NEDD4L: variants seen among roughly 807,000 people sequenced by gnomAD.
NEDD4L encodes E3 ubiquitin-protein ligase NEDD4-like.
A neutral mutation model predicts 148.9 loss-of-function variants in NEDD4L; 54 were observed. The ratio of observed to expected loss-of-function variants is 0.36; its 90% CI spans 0.29 to 0.45. NEDD4L has a LOEUF of 0.45. NEDD4L is among the 20% of genes least tolerant of loss of function. NEDD4L has a pLI of 1.00. For missense variants in NEDD4L, 856 were observed against 1,233.8 expected (o/e 0.69, Z 4.59); for synonymous variants, 433 against 440.7 (o/e 0.98, Z 0.22).
intron 1 of NEDD4L, among the ~76,000 whole-genome samples, chr18:58,064,627 GAC>G (rs2082509294): frequency 6.6e-6 from 1 of 152,178 alleles, no homozygotes; most frequent in African/African-American, 2.4e-5. Flanking sequence ...GTTAGCTGGA[GAC>G]ACAGCAGAAC....
chr18:58,234,051 T>TTCCC (rs1329189662), intron 2 of NEDD4L, among the ~76,000 whole-genome samples: 3 of 72,124 alleles, frequency 4.2e-5, no homozygotes, highest in Non-Finnish European at 8.5e-5. Context: ...TTCCTTTTCT[T>TTCCC]TCTTTCTTTC....
intron 1 of NEDD4L, among the ~76,000 whole-genome samples, chr18:58,136,214 G>A (rs533969823): frequency 4.2e-4 from 64 of 152,140 alleles, no homozygotes; most frequent in African/African-American, 1.5e-3. Context: ...TAATCAGTTG[G>A]CAAAGAAAGT....
chr18:58,132,896 A>G (rs12959306), intron 1 of NEDD4L, among the ~76,000 whole-genome samples: 27,795 of 152,222 alleles, frequency 0.18, 3,327 homozygotes, highest in Non-Finnish European at 0.28. Context: ...GAGATTTGAG[A>G]TCAGACAAAT....
intron 1 of NEDD4L, among the ~76,000 whole-genome samples, chr18:58,064,539 G>A (rs1473443855): frequency 2.6e-5 from 4 of 152,014 alleles, no homozygotes; most frequent in Non-Finnish European, 2.9e-5. Flanking sequence ...ACATAACACC[G>A]TTTTCCTTTG....
At chr18:58,355,976 G>A (rs964782626) in intron 18 of NEDD4L, among the ~76,000 whole-genome samples, 3 of 152,004 alleles carry the variant, frequency 2.0e-5, no homozygotes, top group East Asian at 1.9e-4. Flanking sequence ...CCCCCGCCCC[G>A]GTCCCCAAGA....
At position 58,094,169 on chromosome 18, in the gene NEDD4L, C is replaced by CT. The variant is rs61501212; in HGVS notation, c.48+49473dup. Among the ~76,000 whole-genome samples the CT allele has an allele frequency of 4.6e-3, 680 of 146,492 alleles. 5 individuals carry two copies. The highest frequency in any genetic ancestry group is 0.015 in the African/African-American group (607 of 39,970). On this transcript the variant is annotated intron_variant, in intron 1 of 30. Transcript: ENST00000400345. ...TCTCCTCCTGGGACTCCTGCACCCC[C>CT]TTTTTTTTTTTTAATTTTTCTTTTC...
chr18:58,077,853 A>G (rs2083250927), intron 1 of NEDD4L, among the ~76,000 whole-genome samples: 1 of 152,070 alleles, frequency 6.6e-6, no homozygotes, highest in Non-Finnish European at 1.5e-5. Flanking sequence ...GTGCCTCGAG[A>G]GACATTGGAC....
chr18:58,387,438 G>C lies in NEDD4L; in HGVS notation c.2488-1G>C. 1 of 1,532,712 alleles carries C rather than the reference G, an allele frequency of 6.5e-7. No individual in the cohort carries two copies. Among genetic ancestry groups the C allele is most frequent in the Non-Finnish European group, 8.7e-7 (1 of 1,145,848 alleles). 94.9% of individuals were successfully genotyped at this position (1,532,712 alleles called of 1,614,324 possible). On this transcript the variant is annotated splice_acceptor_variant, in intron 26 of 30. Coordinates refer to ENST00000400345, the MANE Select transcript of NEDD4L (RefSeq NM_001144967.3). LOFTEE classifies it high-confidence loss of function. The stretch of plus-strand genomic sequence containing the variant: ...TAAGATGTTTTTTTTTTTTCTTTCA[G>C]GGATTCACAGAACTACTTCCTATTG...
intron 1 of NEDD4L, among the ~76,000 whole-genome samples, chr18:58,127,568 G>A (rs574237536): frequency 4.5e-4 from 68 of 151,830 alleles, no homozygotes; most frequent in African/African-American, 1.4e-3. Context: ...GGCCGGGTGC[G>A]GTGGCTCACA....
At chr18:58,185,765 C>T (rs575761059) in intron 2 of NEDD4L, among the ~76,000 whole-genome samples, 45 of 151,874 alleles carry the variant, frequency 3.0e-4, no homozygotes, top group African/African-American at 8.9e-4. Context: ...CCCAGCTACT[C>T]GGGAGGCTGA....
intron 5 of NEDD4L, among the ~76,000 whole-genome samples, chr18:58,300,727 G>C (rs759234295): frequency 1.3e-5 from 2 of 152,194 alleles, no homozygotes; most frequent in Non-Finnish European, 2.9e-5. Context: ...TCCAGTATAT[G>C]CTGGGCTCTG....
At chr18:58,286,446 A>T (rs972007238) in intron 5 of NEDD4L, among the ~76,000 whole-genome samples, 14 of 152,166 alleles carry the variant, frequency 9.2e-5, no homozygotes, top group African/African-American at 3.4e-4. Context: ...TGTTCTTTTC[A>T]ATTTTGGTAG....
intron 1 of NEDD4L, among the ~76,000 whole-genome samples, chr18:58,099,047 T>C (rs8085142): frequency 0.13 from 19,472 of 146,112 alleles, 1,715 homozygotes; most frequent in African/African-American, 0.28. Flanking sequence ...TTTTTCTAGC[T>C]CCACATTGGG....
chr18:58,163,676 A>C (rs73448461), intron 1 of NEDD4L, among the ~76,000 whole-genome samples: 5 of 152,166 alleles, frequency 3.3e-5, no homozygotes, highest in African/African-American at 1.2e-4. Context: ...TACCATATTC[A>C]TGTTCTTTAC....
intron 26 of NEDD4L, 40 bp from the exon 27 acceptor site, chr18:58,387,399 A>G: frequency 6.7e-7 from 1 of 1,488,158 alleles, no homozygotes; most frequent in South Asian, 1.3e-5. Context: ...TTTTTTTTGA[A>G]GGCAATAGGT....
intron 22 of NEDD4L, among the ~76,000 whole-genome samples, chr18:58,369,864 C>T (rs1355773688): frequency 6.6e-6 from 1 of 152,232 alleles, no homozygotes; most frequent in Admixed American, 6.5e-5. Flanking sequence ...CCATTTCCAG[C>T]CTGTCCCCTT....
At chr18:58,328,462 G>A (rs2059505037) in intron 9 of NEDD4L, among the ~76,000 whole-genome samples, 1 of 152,220 alleles carries the variant, frequency 6.6e-6, no homozygotes. Context: ...CTGTTAAAAT[G>A]AGCTAGAAAG....
intron 2 of NEDD4L, among the ~76,000 whole-genome samples, chr18:58,227,073 C>T (rs1228846911): frequency 6.6e-6 from 1 of 152,260 alleles, no homozygotes; most frequent in Non-Finnish European, 1.5e-5. Context: ...GTCCCCACAT[C>T]AGTCCTCCTT....
At chr18:58,334,993 T>C (rs2041530977) in intron 12 of NEDD4L, among the ~76,000 whole-genome samples, 1 of 152,206 alleles carries the variant, frequency 6.6e-6, no homozygotes, top group Admixed American at 6.5e-5. Flanking sequence ...TCTGTGATTT[T>C]CCTTGAACGA....
Sources: allele counts gnomAD v4.1 joint callset (sites outside exome capture counted in the v4.1 genomes callset), GRCh38; gene constraint gnomAD v4.1.1; transcripts MANE v1.5; gene names NCBI Gene and HGNC (gene_info 2026-07-23, HGNC 2026-07-21).